The following ZFYVE1 variants were observed in gnomAD, a reference collection of about 807,000 sequenced individuals.
ZFYVE1 encodes zinc finger FYVE domain-containing protein 1.
Under a neutral mutation model 74.4 loss-of-function variants are expected in ZFYVE1, and 30 were observed. The observed-to-expected ratio is 0.40, with a 90% CI of 0.30 to 0.55. The LOEUF (loss-of-function observed/expected upper bound fraction) is 0.55. ZFYVE1 is among the 20% of genes least tolerant of loss of function. ZFYVE1 has a pLI of 0.42. For missense variants in ZFYVE1, 703 were observed against 1,011.6 expected (o/e 0.69, Z 4.14); for synonymous variants, 335 against 385.1 (o/e 0.87, Z 1.52).
In ZFYVE1 at chr14:72,998,280, G is replaced by A. The variant is rs1248069365; in HGVS notation, c.519C>T (p.Asp173=). Residue 173 remains aspartate, a synonymous_variant, in exon 3 of 12, where the codon GAC becomes GAT. Coordinates refer to ENST00000556143, the MANE Select transcript of ZFYVE1 (RefSeq NM_021260.4). The part of the protein sequence containing the change: ...TNEEDFIRKL[D]CKPDQHLKVV... The stretch of plus-strand genomic sequence containing the variant: ...CTTTCAGATGCTGATCAGGTTTGCA[G>A]TCCAATTTTCTAATAAAGTCTTCTT... 4 of 1,520,866 alleles carry A rather than the reference G, an allele frequency of 2.6e-6. No individual in the cohort carries two copies. The African/African-American group carries it at 5.7e-5, about 22-fold the overall frequency. 94.2% of individuals were successfully genotyped at this position (1,520,866 alleles called of 1,614,324 possible).
At chr14:72,994,139 G>A (rs1165041705) in intron 3 of ZFYVE1, among the ~76,000 whole-genome samples, 6 of 150,984 alleles carry the variant, frequency 4.0e-5, no homozygotes, top group African/African-American at 1.2e-4. Context: ...CCTGGCCAAC[G>A]TGGTAAAACC....
chr14:72,978,286 T>G, intron 6 of ZFYVE1, 52 bp from the exon 7 acceptor site: 1 of 1,581,410 alleles, frequency 6.3e-7, no homozygotes, highest in Non-Finnish European at 8.7e-7. Flanking sequence ...GTTTGTTTTT[T>G]TAATAGACAC....
chr14:73,020,419 C>T (rs1894294096), intron 2 of ZFYVE1, among the ~76,000 whole-genome samples: 2 of 152,114 alleles, frequency 1.3e-5, no homozygotes, highest in Admixed American at 6.6e-5. Flanking sequence ...ATGGTGTGAT[C>T]TCAGCTCACT....
chr14:73,000,622 A>G (rs2140370099), intron 2 of ZFYVE1, among the ~76,000 whole-genome samples: 1 of 152,040 alleles, frequency 6.6e-6, no homozygotes, highest in South Asian at 2.1e-4. Flanking sequence ...AAAAAAAAAA[A>G]GACAACAAGC....
chr14:72,982,012 C>T, intron 4 of ZFYVE1, 117 bp from the exon 5 acceptor site: 1 of 826,204 alleles, frequency 1.2e-6, no homozygotes, highest in Non-Finnish European at 2.0e-6. Flanking sequence ...GTAACTTCTG[C>T]TCATTACCCT....
intron 2 of ZFYVE1, among the ~76,000 whole-genome samples, chr14:73,009,829 C>G (rs72734426): frequency 6.6e-6 from 1 of 151,980 alleles, no homozygotes; most frequent in African/African-American, 2.4e-5. Context: ...AAGGATAGGC[C>G]GAGCATAGTG....
intron 5 of ZFYVE1, among the ~76,000 whole-genome samples, chr14:72,980,416 T>A (rs570665612): frequency 4.2e-4 from 64 of 152,170 alleles, no homozygotes; most frequent in Non-Finnish European, 5.3e-4. Flanking sequence ...TGCATTTAAA[T>A]CCCCTGGGGC....
In ZFYVE1 at chr14:72,981,786, T is replaced by C; in HGVS notation, c.1310+3A>G. 5 of 1,613,886 alleles carry C rather than the reference T, an allele frequency of 3.1e-6. No homozygotes were observed. The highest frequency in any genetic ancestry group is 4.2e-6 in the Non-Finnish European group (5 of 1,179,912). On this transcript the variant is annotated splice_donor_region_variant and intron_variant, in intron 5 of 11. Coordinates refer to ENST00000556143, the MANE Select transcript of ZFYVE1 (RefSeq NM_021260.4). Reference sequence around the variant, plus strand: ...TGGGAGGTGGGGGAGCGGCCTTACTTACCCACAGCTGAGGCACAAGGAGGA... The same window carrying C: ...TGGGAGGTGGGGGAGCGGCCTTACTCACCCACAGCTGAGGCACAAGGAGGA...
chr14:73,005,090 C>T (rs1448438675), intron 2 of ZFYVE1, among the ~76,000 whole-genome samples: 1 of 152,034 alleles, frequency 6.6e-6, no homozygotes, highest in Non-Finnish European at 1.5e-5. Flanking sequence ...TGAAACCACA[C>T]TTCTCTGGCA....
intron 2 of ZFYVE1, among the ~76,000 whole-genome samples, 188 bp downstream of exon 2, chr14:73,023,838 G>A (rs185692718): frequency 7.9e-5 from 12 of 152,262 alleles, no homozygotes; most frequent in Non-Finnish European, 1.6e-4. Flanking sequence ...GCTCAGAAAA[G>A]TAAAGTAATT....
chr14:72,973,532 G>A (rs1346278988), intron 11 of ZFYVE1, among the ~76,000 whole-genome samples: 5 of 152,090 alleles, frequency 3.3e-5, no homozygotes, highest in Admixed American at 6.6e-5. Context: ...GAGATGGGCA[G>A]CATCCACTTC....
intron 2 of ZFYVE1, among the ~76,000 whole-genome samples, chr14:73,015,406 G>C (rs1167642514): frequency 5.8e-5 from 3 of 51,850 alleles, no homozygotes; most frequent in Admixed American, 3.4e-4. Context: ...GGAAGGAAGG[G>C]GGGGGAAGGA....
At chr14:73,012,917 G>A (rs1433774089) in intron 2 of ZFYVE1, among the ~76,000 whole-genome samples, 1 of 152,036 alleles carries the variant, frequency 6.6e-6, no homozygotes, top group Non-Finnish European at 1.5e-5. Context: ...TCATGAGACA[G>A]AAGGGATTGA....
At chr14:72,997,622 T>C (rs368640462) in intron 3 of ZFYVE1, among the ~76,000 whole-genome samples, 189 bp downstream of exon 3, 143 of 152,342 alleles carry the variant, frequency 9.4e-4, no homozygotes, top group African/African-American at 1.1e-3. Flanking sequence ...TTCTCAATCC[T>C]TATGCTAGTT....
At chr14:73,022,651 G>A (rs965607665) in intron 2 of ZFYVE1, among the ~76,000 whole-genome samples, 1 of 152,176 alleles carries the variant, frequency 6.6e-6, no homozygotes, top group Non-Finnish European at 1.5e-5. Context: ...AAACAAGTAT[G>A]TGAATTCAAG....
chr14:73,004,865 G>A (rs747746011), intron 2 of ZFYVE1, among the ~76,000 whole-genome samples: 13 of 152,104 alleles, frequency 8.5e-5, no homozygotes, highest in Middle Eastern at 3.4e-3. Flanking sequence ...CAGGCGTTGC[G>A]GCACGTCCCT....
chr14:73,025,770 C>A (rs904359174), intron 1 of ZFYVE1, among the ~76,000 whole-genome samples: 2 of 151,556 alleles, frequency 1.3e-5, no homozygotes, highest in African/African-American at 4.8e-5. Flanking sequence ...CACCTCTAGG[C>A]CCAAGGCATT....
intron 5 of ZFYVE1, among the ~76,000 whole-genome samples, chr14:72,980,581 AT>A (rs1310540441): frequency 6.7e-6 from 1 of 149,732 alleles, no homozygotes; most frequent in Non-Finnish European, 1.5e-5. Flanking sequence ...TTATTTATTT[AT>A]TTTGAGAAAG....
At position 72,997,768 on chromosome 14, in the gene ZFYVE1, T is replaced by C. The variant is rs1199871347; in HGVS notation, c.988+43A>G. On this transcript the variant is annotated intron_variant, in intron 3 of 11. Coordinates refer to ENST00000556143, the MANE Select transcript of ZFYVE1 (RefSeq NM_021260.4). ...TGCAGACCAAATAGCTGCCTCCTTGTACCCATAAAGGTTGAGCTGTGACAC... is the reference window on the plus strand; with the variant it reads ...TGCAGACCAAATAGCTGCCTCCTTGCACCCATAAAGGTTGAGCTGTGACAC... The C allele has an allele frequency of 4.6e-6, 7 of 1,533,936 alleles. No individual in the cohort carries two copies. The Admixed American group carries it at 1.0e-4, about 22-fold the overall frequency.
Sources: gnomAD v4.1 joint callset for allele counts (sites outside exome capture counted in the v4.1 genomes callset) on GRCh38, gnomAD v4.1.1 for gene constraint, MANE v1.5 for transcripts, NCBI Gene and HGNC (gene_info 2026-07-23, HGNC 2026-07-21) for gene names.